Variants in EHMT1 observed in about 807,000 individuals in gnomAD.
EHMT1 encodes histone-lysine N-methyltransferase EHMT1.
In EHMT1, 15 loss-of-function variants were observed where a neutral mutation model predicts 147.2. That is an observed-to-expected ratio of 0.10 (90% CI 0.07 to 0.16). The LOEUF (loss-of-function observed/expected upper bound fraction) is 0.16, where lower values mean the gene tolerates loss of function less well. EHMT1 is among the 10% of genes least tolerant of loss of function. The pLI, the probability that EHMT1 is intolerant of heterozygous loss-of-function variation, is 1.00. For missense variants in EHMT1, 1,587 were observed against 1,772.4 expected (o/e 0.90, Z 1.88); for synonymous variants, 795 against 709.6 (o/e 1.12, Z -1.91).
intron 25 of EHMT1, among the ~76,000 whole-genome samples, chr9:137,826,000 A>T (rs1955787347): frequency 6.6e-6 from 1 of 152,240 alleles, no homozygotes. Context: ...CATTTAAAAA[A>T]ATCTATTGAA....
At chr9:137,704,753 T>C (rs918731393) in intron 1 of EHMT1, among the ~76,000 whole-genome samples, 2 of 149,676 alleles carry the variant, frequency 1.3e-5, no homozygotes, top group African/African-American at 5.1e-5. Context: ...GGGAGGGAAT[T>C]TCCCTTCCTC....
chr9:137,641,131 G>A, intron 1 of EHMT1: 1 of 349,212 alleles, frequency 2.9e-6, no homozygotes, highest in South Asian at 2.6e-5. Context: ...GCCAAGTATG[G>A]TCTTTGCTGA....
chr9:137,815,091 A>C (rs1954814843), intron 22 of EHMT1, among the ~76,000 whole-genome samples: 1 of 151,782 alleles, frequency 6.6e-6, no homozygotes, highest in Non-Finnish European at 1.5e-5. Flanking sequence ...CCGAGTTCAG[A>C]GGTCACGGTG....
chr9:137,626,529 CAAA>C (rs201748680), intron 1 of EHMT1, among the ~76,000 whole-genome samples: 5 of 80,728 alleles, frequency 6.2e-5, no homozygotes, highest in Non-Finnish European at 5.3e-5. Flanking sequence ...TGTCTCTAAC[CAAA>C]AAAAAAAAAA....
At chr9:137,735,516 C>T (rs1422252029) in intron 4 of EHMT1, among the ~76,000 whole-genome samples, 6 of 152,202 alleles carry the variant, frequency 3.9e-5, no homozygotes, top group Non-Finnish European at 5.9e-5. Flanking sequence ...GTGTAGCAAA[C>T]ATAGCAAAAT....
chr9:137,805,621 C>T (rs2137509181), intron 18 of EHMT1, among the ~76,000 whole-genome samples: 1 of 152,166 alleles, frequency 6.6e-6, no homozygotes, highest in South Asian at 2.1e-4. Flanking sequence ...ATGTTCTGAA[C>T]ACCATAATAG....
intron 18 of EHMT1, among the ~76,000 whole-genome samples, chr9:137,805,900 A>T (rs989211608): frequency 6.0e-5 from 9 of 149,352 alleles, no homozygotes; most frequent in Non-Finnish European, 8.9e-5. Flanking sequence ...TGACCTCGTG[A>T]TCCACTCACC....
rs765571288 is a variant in EHMT1, at chr9:137,762,754, G to A, written c.1581G>A (p.Pro527=). 1.1e-5 allele frequency: 18 copies of A among 1,614,110 alleles called. No individual in the cohort carries two copies. In the East Asian group the frequency reaches 1.3e-4, roughly 12 times the overall value. ...TCTGCAGCTGCCGGATGGAAACACC[G>A]AAGAGTCGAGAGATCACCACACTGG... ...VPLCSCRMET[P]KSREITTLAN... The change falls in exon 10 of 27, where the codon CCG becomes CCA. Residue 527 remains proline, a synonymous_variant. Coordinates refer to ENST00000460843, the MANE Select transcript of EHMT1 (RefSeq NM_024757.5).
At chr9:137,743,011 A>G (rs530625180) in intron 4 of EHMT1, 12 of 337,148 alleles carry the variant, frequency 3.6e-5, no homozygotes, top group Non-Finnish European at 5.7e-5. Context: ...TCTCAAGGGT[A>G]GTCATTCCAT....
chr9:137,800,556 C>T (rs1053077886), intron 17 of EHMT1: 31 of 401,806 alleles, frequency 7.7e-5, no homozygotes, highest in African/African-American at 4.1e-4. Flanking sequence ...CCATTAGACT[C>T]GTTGCACGCA....
chr9:137,815,903 A>C (rs1188360916), intron 22 of EHMT1, 44 bp from the exon 23 acceptor site: 22 of 1,480,990 alleles, frequency 1.5e-5, no homozygotes, highest in Non-Finnish European at 1.9e-5. Flanking sequence ...TCAATTAAAG[A>C]GTGAGTAACC....
chr9:137,720,239 G>T (rs1945814281), intron 3 of EHMT1, among the ~76,000 whole-genome samples: 1 of 152,134 alleles, frequency 6.6e-6, no homozygotes, highest in Non-Finnish European at 1.5e-5. Context: ...GTCACCCTGT[G>T]TAGCCACCAA....
At chr9:137,815,610 G>C in intron 22 of EHMT1, 1 of 387,458 alleles carries the variant, frequency 2.6e-6, no homozygotes, top group South Asian at 2.2e-5. Context: ...ACCAGCTGAA[G>C]AAAGCAGAGC....
At chr9:137,668,694 T>C (rs1348805768) in intron 1 of EHMT1, among the ~76,000 whole-genome samples, 1 of 151,818 alleles carries the variant, frequency 6.6e-6, no homozygotes, top group Non-Finnish European at 1.5e-5. Flanking sequence ...TTCTCTGTTG[T>C]CTTTCGTGCC....
chr9:137,722,251 A>T (rs1440955198), intron 3 of EHMT1, among the ~76,000 whole-genome samples: 1 of 152,150 alleles, frequency 6.6e-6, no homozygotes, highest in African/African-American at 2.4e-5. Flanking sequence ...TCCTTTAGGG[A>T]AAAAAAGCAA....
At chr9:137,785,473 T>TGAGGGTGGGG (rs1564757546) in intron 15 of EHMT1, 1 of 153,116 alleles carries the variant, frequency 6.5e-6, no homozygotes, top group African/African-American at 2.4e-5. Flanking sequence ...GCTGAGCCCA[T>TGAGGGTGGGG]TCTCCATGTC....
At chr9:137,780,984 C>CCGGGA in intron 14 of EHMT1, among the ~76,000 whole-genome samples, 1 of 141,496 alleles carries the variant, frequency 7.1e-6, no homozygotes, top group African/African-American at 2.7e-5. Flanking sequence ...GGTGATGACG[C>CCGGGA]TGGGATGTGT....
intron 1 of EHMT1, among the ~76,000 whole-genome samples, chr9:137,705,749 G>T (rs1944212787): frequency 6.6e-6 from 1 of 152,192 alleles, no homozygotes; most frequent in Non-Finnish European, 1.5e-5. Flanking sequence ...GTTTGGAGTA[G>T]GCACTGCACT....
At chr9:137,668,099 A>AC (rs1285556077) in intron 1 of EHMT1, among the ~76,000 whole-genome samples, 1 of 152,144 alleles carries the variant, frequency 6.6e-6, no homozygotes, top group Admixed American at 6.5e-5. Flanking sequence ...AAGAGGCAGG[A>AC]CCAGTGGGGA....
Sources: gnomAD v4.1 joint callset for allele counts (sites outside exome capture counted in the v4.1 genomes callset) on GRCh38, gnomAD v4.1.1 for gene constraint, MANE v1.5 for transcripts, NCBI Gene and HGNC (gene_info 2026-07-23, HGNC 2026-07-21) for gene names.